Variants in UNC13C observed in about 807,000 individuals in gnomAD.
UNC13C encodes protein unc-13 homolog C.
A neutral mutation model predicts 245.4 loss-of-function variants in UNC13C; 174 were observed. The ratio of observed to expected loss-of-function variants is 0.71; its 90% CI spans 0.63 to 0.80. The LOEUF (loss-of-function observed/expected upper bound fraction) is 0.80. Ranked by LOEUF, UNC13C falls within the 30% of genes least tolerant of loss-of-function variation. The pLI is 0.00. For missense variants in UNC13C, 2,829 were observed against 2,602.9 expected (o/e 1.09, Z -1.89); for synonymous variants, 992 against 895.1 (o/e 1.11, Z -1.93).
At chr15:53,949,042 T>C in the UNC13C span, among the ~76,000 whole-genome samples, 16 of 152,348 alleles carry the variant, frequency 1.1e-4, no homozygotes, top group East Asian at 2.9e-3. Context: ...GGGCAAGACA[T>C]AATGTCTTCC....
Position 54,014,007 on chromosome 15 carries a change from C to T in UNC13C, c.1104C>T (p.Asp368=). ...CTCAGAGGATAGGACACCAGAGAGA[C>T]TGCCCAAATGCAAAGCCTCGACCCA... ...EFAQRIGHQR[D]CPNAKPRPIL... Residue 368 remains aspartate (D), a synonymous_variant, in exon 2 of 33, where the codon GAC becomes GAT. Transcript: ENST00000260323. 6.2e-7 allele frequency: 1 copy of T among 1,613,828 alleles called. No homozygotes were observed. The highest frequency in any genetic ancestry group is 8.5e-7 in the Non-Finnish European group (1 of 1,179,842).
At chr15:54,482,268 C>T (rs1893161539) in intron 19 of UNC13C, among the ~76,000 whole-genome samples, 1 of 151,998 alleles carries the variant, frequency 6.6e-6, no homozygotes, top group African/African-American at 2.4e-5. Flanking sequence ...GCCCTCTGGG[C>T]ACAGGATAGT....
chr15:53,895,996 A>G, the UNC13C span, among the ~76,000 whole-genome samples: 1 of 108,062 alleles, frequency 9.3e-6, no homozygotes, highest in African/African-American at 4.0e-5. Context: ...CCAACATTTT[A>G]TTTGATTTTT....
At chr15:54,321,278 A>C in intron 13 of UNC13C, 1 of 475,994 alleles carries the variant, frequency 2.1e-6, no homozygotes, top group South Asian at 1.6e-5. Flanking sequence ...CTATGATTTC[A>C]ATCACTTCAA....
intron 13 of UNC13C, among the ~76,000 whole-genome samples, chr15:54,316,716 A>C (rs11853791): frequency 6.6e-6 from 1 of 151,748 alleles, no homozygotes; most frequent in African/African-American, 2.4e-5. Flanking sequence ...CTCTTTCATG[A>C]TCATTACCTC....
intron 10 of UNC13C, among the ~76,000 whole-genome samples, chr15:54,279,834 A>C (rs2036929306): frequency 6.6e-6 from 1 of 152,190 alleles, no homozygotes; most frequent in African/African-American, 2.4e-5. Flanking sequence ...GGAAATAGAA[A>C]AGTATTGCAT....
chr15:54,218,585 G>A (rs2035115188), intron 4 of UNC13C, among the ~76,000 whole-genome samples: 1 of 151,920 alleles, frequency 6.6e-6, no homozygotes, highest in African/African-American at 2.4e-5. Context: ...TGAAAGAGAT[G>A]AGCTATGAGG....
intron 14 of UNC13C, among the ~76,000 whole-genome samples, chr15:54,329,581 G>A (rs1226663697): frequency 6.6e-6 from 1 of 152,008 alleles, no homozygotes; most frequent in East Asian, 1.9e-4. Context: ...CCTACAGGCA[G>A]TAGGCTTGCT....
intron 4 of UNC13C, among the ~76,000 whole-genome samples, chr15:54,174,476 C>T (rs1181550706): frequency 6.6e-6 from 1 of 152,006 alleles, no homozygotes; most frequent in Non-Finnish European, 1.5e-5. Flanking sequence ...GTTTTAACTC[C>T]TATTCATAAA....
chr15:54,076,409 T>C (rs989366170), intron 2 of UNC13C, among the ~76,000 whole-genome samples: 47 of 151,992 alleles, frequency 3.1e-4, no homozygotes, highest in African/African-American at 1.1e-3. Flanking sequence ...GTTTCCAGTT[T>C]CATCCATGTC....
chr15:54,285,336 A>T (rs1290306450), intron 10 of UNC13C, among the ~76,000 whole-genome samples: 1 of 152,124 alleles, frequency 6.6e-6, no homozygotes, highest in Non-Finnish European at 1.5e-5. Context: ...CTGCATCAAC[A>T]CTGGGTTTTG....
Position 54,300,238 on chromosome 15 carries a change from A to C in UNC13C, c.4133A>C (p.Lys1378Thr). ...ENLFHYLTEV[K>T]SNGGVKIPEV... Reference sequence around the variant, plus strand: ...CTGTTCCATTACTTGACTGAAGTGAAATCTAATGGTGGAGTGAAAATCCCA... The same window carrying C: ...CTGTTCCATTACTTGACTGAAGTGACATCTAATGGTGGAGTGAAAATCCCA... Residue 1378 changes from lysine to threonine, a missense_variant, in exon 13 of 33, where the codon AAA (lysine) becomes ACA (threonine). Lys to Thr is a moderately conservative substitution (Grantham distance 78, BLOSUM62 -1). Coordinates refer to ENST00000260323, the MANE Select transcript of UNC13C (RefSeq NM_001080534.3). 6.2e-7 allele frequency: 1 copy of C among 1,600,548 alleles called. No homozygotes were observed. The highest frequency in any genetic ancestry group is 1.1e-5 in the South Asian group (1 of 88,292).
intron 17 of UNC13C, among the ~76,000 whole-genome samples, chr15:54,381,453 T>C (rs939861383): frequency 2.6e-5 from 4 of 152,278 alleles, no homozygotes; most frequent in Admixed American, 6.5e-5. Context: ...GGTGGTTTCA[T>C]ACAAATTTTA....
In UNC13C at chr15:54,087,752, C is replaced by T. The variant is rs142252659; in HGVS notation, c.2984-55266C>T. Among the ~76,000 whole-genome samples the T allele has an allele frequency of 2.6e-4, 40 of 152,200 alleles. No individual in the cohort carries two copies. In the East Asian group the frequency reaches 6.2e-3, roughly 24 times the overall value. On this transcript the variant is annotated intron_variant, in intron 2 of 32. Transcript: ENST00000260323. ...TGTTACTGATTAGCTCTTGTAACTA[C>T]GAAGCTGGATTAAATATAGCTTTCT...
At chr15:54,053,020 G>A (rs1000239379) in intron 2 of UNC13C, among the ~76,000 whole-genome samples, 2 of 152,074 alleles carry the variant, frequency 1.3e-5, no homozygotes, top group African/African-American at 4.8e-5. Context: ...TTAAGATGGA[G>A]TCTGACTCTG....
chr15:54,454,654 T>G (rs1162713417), intron 19 of UNC13C, among the ~76,000 whole-genome samples: 1 of 152,112 alleles, frequency 6.6e-6, no homozygotes, highest in Non-Finnish European at 1.5e-5. Flanking sequence ...TCTATACATT[T>G]ACCTATTCTG....
chr15:54,552,494 ATTAT>A (rs1896808539), intron 28 of UNC13C, among the ~76,000 whole-genome samples: 2 of 49,408 alleles, frequency 4.0e-5, no homozygotes, highest in African/African-American at 1.2e-4. Context: ...TATATATTAT[ATTAT>A]ATATAATTAT....
chr15:54,028,263 A>G (rs138902155), intron 2 of UNC13C, among the ~76,000 whole-genome samples: 9 of 152,306 alleles, frequency 5.9e-5, no homozygotes, highest in African/African-American at 2.2e-4. Flanking sequence ...TATGTGGGGT[A>G]CATTCATCAC....
At chr15:54,410,541 A>C (rs493235) in intron 18 of UNC13C, among the ~76,000 whole-genome samples, 1 of 151,828 alleles carries the variant, frequency 6.6e-6, no homozygotes, top group African/African-American at 2.4e-5. Flanking sequence ...TGATTTTTGT[A>C]TATGGTGAAA....
Sources: allele counts gnomAD v4.1 joint callset (sites outside exome capture counted in the v4.1 genomes callset), GRCh38; gene constraint gnomAD v4.1.1; transcripts MANE v1.5; gene names NCBI Gene and HGNC (gene_info 2026-07-23, HGNC 2026-07-21).